Variants in TLN2 observed in about 807,000 individuals in gnomAD.
The protein encoded by TLN2 is talin 2.
TLN2 carries 118 observed loss-of-function variants against 294.7 expected under a neutral mutation model. That is an observed-to-expected ratio of 0.40 (90% confidence interval 0.34 to 0.47). TLN2 has a LOEUF of 0.47. Among genes scored for constraint, TLN2 ranks in the 20% least tolerant of loss-of-function variants. TLN2 has a pLI of 0.84. For synonymous variants in TLN2, 1,431 were observed against 1,304.5 expected (o/e 1.10, Z -2.09); for missense variants, 3,083 against 3,282.2 (o/e 0.94, Z 1.48).
intron 7 of TLN2, 67 bp from the exon 8 acceptor site, chr15:62,655,877 T>C (rs1246878158): frequency 1.3e-6 from 2 of 1,576,962 alleles, no homozygotes; most frequent in Admixed American, 1.7e-5. Context: ...ACTGCTCTTT[T>C]GGTAAATTCC....
intron 1 of TLN2, among the ~76,000 whole-genome samples, chr15:62,536,643 C>T (rs142440932): frequency 4.2e-4 from 64 of 152,006 alleles, no homozygotes; most frequent in African/African-American, 1.4e-3. Context: ...GCCATCTGTG[C>T]GATGTGATAT....
chr15:62,700,027 G>A (rs2058616357), intron 16 of TLN2, among the ~76,000 whole-genome samples: 1 of 152,140 alleles, frequency 6.6e-6, no homozygotes, highest in African/African-American at 2.4e-5. Flanking sequence ...CTCCCAGAAT[G>A]CTGAGTTTTT....
At chr15:62,636,679 G>A (rs2050415300) in intron 3 of TLN2, among the ~76,000 whole-genome samples, 1 of 152,126 alleles carries the variant, frequency 6.6e-6, no homozygotes, top group Admixed American at 6.6e-5. Flanking sequence ...GGTCCTTGCA[G>A]GGGAAGGAAG....
In TLN2 at chr15:62,753,733, G is replaced by A. The variant is rs955839158; in HGVS notation, c.4333-40G>A. 5 of 1,566,198 alleles carry A rather than the reference G, an allele frequency of 3.2e-6. No individual in the cohort carries two copies. The African/African-American group carries it at 4.1e-5, about 13-fold the overall frequency. On this transcript the variant is annotated intron_variant, in intron 35 of 58. Coordinates refer to ENST00000636159, the MANE Select transcript of TLN2 (RefSeq NM_015059.3). The stretch of plus-strand genomic sequence containing the variant: ...TCATCCCCAGCAGGCTCACCTAGGA[G>A]CACGGAGCCTGAGCTGTGGTTTTTC...
rs767425032 is a variant in TLN2, at chr15:62,800,750, G to A, written c.6458G>A (p.Cys2153Tyr). ...AGGGCGCTTGAGGCCACAATTGAAT[G>A]CATAAAGCAGGAGCTTACGGTAAGG... ...GTRALEATIE[C>Y]IKQELTVFQS... The change falls in exon 50 of 59, where the codon TGC becomes TAC. Residue 2153 changes from cysteine to tyrosine, a missense_variant. Transcript: ENST00000636159. 5 of 1,612,586 alleles carry A rather than the reference G, an allele frequency of 3.1e-6. No homozygotes were observed. In the South Asian group the frequency reaches 4.4e-5, roughly 14 times the overall value.
chr15:62,497,135 G>C (rs1175028291), intron 1 of TLN2, among the ~76,000 whole-genome samples: 4 of 152,174 alleles, frequency 2.6e-5, no homozygotes, highest in Admixed American at 1.3e-4. Context: ...ATTCATAGCT[G>C]CATCCCCTGT....
At chr15:62,724,018 C>T (rs918586199) in intron 26 of TLN2, among the ~76,000 whole-genome samples, 1 of 152,062 alleles carries the variant, frequency 6.6e-6, no homozygotes, top group Non-Finnish European at 1.5e-5. Flanking sequence ...GTTGGTGGTG[C>T]ATGCCTGTAG....
At chr15:62,651,926 A>AT in intron 5 of TLN2, 79 bp from the exon 6 acceptor site, 1 of 1,430,580 alleles carries the variant, frequency 7.0e-7, no homozygotes, top group Non-Finnish European at 9.3e-7. Context: ...TTTAAAATTC[A>AT]TTTTTTAAAG....
chr15:62,447,376 A>G (rs2035878206), intron 1 of TLN2, among the ~76,000 whole-genome samples: 1 of 152,046 alleles, frequency 6.6e-6, no homozygotes, highest in Admixed American at 6.5e-5. Context: ...ACTTGGAAAC[A>G]GCATGTGGCT....
chr15:62,778,901 T>A (rs2063912356), intron 43 of TLN2, among the ~76,000 whole-genome samples: 1 of 152,234 alleles, frequency 6.6e-6, no homozygotes. Context: ...CCATTCTCCC[T>A]TTGCTCAGCA....
chr15:62,416,679 C>T (rs950901656), intron 1 of TLN2, among the ~76,000 whole-genome samples: 2 of 152,096 alleles, frequency 1.3e-5, no homozygotes, highest in Non-Finnish European at 2.9e-5. Context: ...CAAGCCATTG[C>T]GAGAGAGGCT....
chr15:62,429,168 C>A (rs2456469), intron 1 of TLN2, among the ~76,000 whole-genome samples: 1 of 146,572 alleles, frequency 6.8e-6, no homozygotes, highest in East Asian at 2.1e-4. Flanking sequence ...ATCACTCAAG[C>A]GGGGTGCAGT....
At chr15:62,692,083 A>T (rs2057967219) in intron 12 of TLN2, among the ~76,000 whole-genome samples, 2 of 152,194 alleles carry the variant, frequency 1.3e-5, no homozygotes, top group South Asian at 4.1e-4. Context: ...AGTTGCAATG[A>T]CAGTTTTATT....
chr15:62,690,115 C>T (rs1203735431), intron 12 of TLN2: 1 of 145,818 alleles, frequency 6.9e-6, no homozygotes, highest in Admixed American at 6.9e-5. Context: ...CCCCCACCTC[C>T]CTCCCGGACG....
At chr15:62,453,946 T>C (rs2036309398) in intron 1 of TLN2, among the ~76,000 whole-genome samples, 1 of 152,068 alleles carries the variant, frequency 6.6e-6, no homozygotes, top group African/African-American at 2.4e-5. Flanking sequence ...TAAAATCAGT[T>C]TTGCTGCTAT....
chr15:62,430,650 G>A (rs1359577947), intron 1 of TLN2, among the ~76,000 whole-genome samples: 2 of 152,072 alleles, frequency 1.3e-5, no homozygotes, highest in African/African-American at 2.4e-5. Context: ...TTAGTCAAAC[G>A]AACCAATAAA....
chr15:62,705,904 A>C (rs185341197), intron 19 of TLN2, among the ~76,000 whole-genome samples: 179 of 152,328 alleles, frequency 1.2e-3, no homozygotes, highest in African/African-American at 4.2e-3. Flanking sequence ...CTCCTTTAAG[A>C]CCACTTAGTT....
At position 62,775,167 on chromosome 15, in the gene TLN2, A is replaced by G. The variant is rs560785209; in HGVS notation, c.5368-1597A>G. 1.6e-3 allele frequency among the ~76,000 whole-genome samples: 244 copies of G among 152,152 alleles called. 2 individuals carry two copies. The highest frequency in any genetic ancestry group is 5.8e-3 in the African/African-American group (242 of 41,534). On this transcript the variant is annotated intron_variant, in intron 42 of 58. Coordinates refer to ENST00000636159, the MANE Select transcript of TLN2 (RefSeq NM_015059.3). Reference sequence around the variant, plus strand: ...GAGACGGGGTTTCACTGTGTTAGCCAGGATGGTCTCGATCTCCTGACCTCG... The same window carrying G: ...GAGACGGGGTTTCACTGTGTTAGCCGGGATGGTCTCGATCTCCTGACCTCG...
chr15:62,483,522 T>C lies in TLN2; in HGVS notation c.-238+92837T>C, dbSNP rs375334350. Among the ~76,000 whole-genome samples the C allele has an allele frequency of 7.9e-5, 12 of 152,336 alleles. No individual in the cohort carries two copies. The South Asian group carries it at 2.5e-3, about 32-fold the overall frequency. ...ATCTCTCAGACAGCCAGCCTCTGTT[T>C]TAAGTATGTGAAATGCAAATCATCA... On this transcript the variant is annotated intron_variant, in intron 1 of 58. Transcript: ENST00000636159.
Sources: gnomAD v4.1 joint callset for allele counts (sites outside exome capture counted in the v4.1 genomes callset) on GRCh38, gnomAD v4.1.1 for gene constraint, MANE v1.5 for transcripts, NCBI Gene and HGNC (gene_info 2026-07-23, HGNC 2026-07-21) for gene names.